The following FARS2 variants were observed in gnomAD, a reference collection of about 807,000 sequenced individuals.
FARS2 encodes phenylalanyl-tRNA synthetase 2, mitochondrial.
Under a neutral mutation model 46.4 loss-of-function variants are expected in FARS2, and 40 were observed. The ratio of observed to expected loss-of-function variants is 0.86; its 90% CI spans 0.67 to 1.12. The LOEUF (loss-of-function observed/expected upper bound fraction) is 1.12. Among genes scored for constraint, FARS2 ranks in the 50% most tolerant of loss-of-function variants. The pLI, the probability that FARS2 is intolerant of heterozygous loss-of-function variation, is 0.00. For missense variants in FARS2, 513 were observed against 567.9 expected, an observed-to-expected ratio of 0.90 and a Z score of 0.98; for synonymous variants, 234 against 214.9, an observed-to-expected ratio of 1.09 and a Z score of -0.78.
intron 6 of FARS2, among the ~76,000 whole-genome samples, chr6:5,742,460 A>G (rs150137456): frequency 2.2e-4 from 33 of 152,166 alleles, no homozygotes; most frequent in African/African-American, 7.7e-4. Context: ...GGCACTCAGT[A>G]TTTTTTTCCC....
At chr6:5,349,167 A>G (rs559957267) in intron 1 of FARS2, among the ~76,000 whole-genome samples, 15 of 152,368 alleles carry the variant, frequency 9.8e-5, no homozygotes, top group African/African-American at 3.6e-4. Context: ...ATGAAAATCC[A>G]TGAGATTTCT....
In FARS2 at chr6:5,596,235, T is replaced by C. The variant is rs548208843; in HGVS notation, c.1066-16934T>C. 7.4e-4 allele frequency among the ~76,000 whole-genome samples: 113 copies of C among 152,304 alleles called. 1 individual carries two copies. The highest frequency in any genetic ancestry group is 1.0e-3 in the Non-Finnish European group (71 of 68,036). ...TTGTTGGTGTGCTGTGATTGATGGCTGAACAGGAGATTTGGGAGTCACACG... is the reference window on the plus strand; with the variant it reads ...TTGTTGGTGTGCTGTGATTGATGGCCGAACAGGAGATTTGGGAGTCACACG... On this transcript the variant is annotated intron_variant, in intron 5 of 6. Coordinates refer to ENST00000274680, the MANE Select transcript of FARS2 (RefSeq NM_006567.5).
intron 3 of FARS2, among the ~76,000 whole-genome samples, chr6:5,407,282 T>C (rs1761670387): frequency 6.6e-6 from 1 of 151,962 alleles, no homozygotes; most frequent in Non-Finnish European, 1.5e-5. Context: ...TACTCACTGT[T>C]CTTGATTCAC....
chr6:5,401,688 G>GT (rs968815436), intron 2 of FARS2, among the ~76,000 whole-genome samples: 37 of 152,192 alleles, frequency 2.4e-4, no homozygotes, highest in African/African-American at 8.4e-4. Flanking sequence ...TGTGTTTCAC[G>GT]TTTTTTCTGT....
intron 5 of FARS2, among the ~76,000 whole-genome samples, chr6:5,546,467 G>T (rs934079398): frequency 1.3e-5 from 2 of 151,538 alleles, no homozygotes; most frequent in Non-Finnish European, 2.9e-5. Flanking sequence ...GGCCAGGCTG[G>T]TCTCAAACTC....
chr6:5,554,198 T>C (rs1397960302), intron 5 of FARS2, among the ~76,000 whole-genome samples: 1 of 152,240 alleles, frequency 6.6e-6, no homozygotes. Flanking sequence ...GCTATGTGAA[T>C]AACTCATTTA....
At chr6:5,551,539 GTT>G (rs969155956) in intron 5 of FARS2, among the ~76,000 whole-genome samples, 63 of 152,252 alleles carry the variant, frequency 4.1e-4, no homozygotes, top group African/African-American at 1.5e-3. Context: ...TTATGTATTT[GTT>G]ACAAGCAATA....
intron 1 of FARS2, among the ~76,000 whole-genome samples, chr6:5,332,798 A>T (rs1457689686): frequency 2.6e-5 from 4 of 152,202 alleles, no homozygotes; most frequent in Non-Finnish European, 4.4e-5. Flanking sequence ...TATGTGCAGG[A>T]CACATAGGGC....
intron 6 of FARS2, among the ~76,000 whole-genome samples, chr6:5,757,493 G>GC (rs1244375603): frequency 6.6e-6 from 1 of 152,056 alleles, no homozygotes; most frequent in Non-Finnish European, 1.5e-5. Flanking sequence ...CAACCCACTT[G>GC]CCCCAAGCAA....
intron 6 of FARS2, among the ~76,000 whole-genome samples, chr6:5,632,041 G>A (rs151023558): frequency 7.5e-4 from 114 of 152,224 alleles, no homozygotes; most frequent in African/African-American, 2.6e-3. Flanking sequence ...TAGATAAAAC[G>A]AGCCATAATT....
intron 4 of FARS2, among the ~76,000 whole-genome samples, chr6:5,520,397 C>T (rs1283640116): frequency 6.6e-6 from 1 of 152,154 alleles, no homozygotes; most frequent in Non-Finnish European, 1.5e-5. Flanking sequence ...CTTTCTTAGA[C>T]TTGCATAGTT....
chr6:5,484,470 G>T (rs933951496), intron 4 of FARS2, among the ~76,000 whole-genome samples: 2 of 152,172 alleles, frequency 1.3e-5, no homozygotes, highest in African/African-American at 2.4e-5. Context: ...CATGTGACTG[G>T]TGAACTTGAG....
intron 5 of FARS2, among the ~76,000 whole-genome samples, chr6:5,546,539 T>C (rs553569615): frequency 7.9e-4 from 120 of 152,020 alleles, no homozygotes; most frequent in South Asian, 1.5e-3. Context: ...AGTGAGCCAC[T>C]GCGCCCAGCC....
intron 6 of FARS2, among the ~76,000 whole-genome samples, chr6:5,672,784 TA>T (rs748319688): frequency 1.9e-4 from 29 of 152,296 alleles, no homozygotes; most frequent in Middle Eastern, 3.4e-3. Context: ...ATGATGAAGC[TA>T]AGTTTGGTTG....
At chr6:5,731,156 A>G (rs957929909) in intron 6 of FARS2, among the ~76,000 whole-genome samples, 3 of 152,166 alleles carry the variant, frequency 2.0e-5, no homozygotes, top group Non-Finnish European at 2.9e-5. Flanking sequence ...AGAAACCGGG[A>G]GTTGGGCTTT....
intron 6 of FARS2, among the ~76,000 whole-genome samples, chr6:5,703,082 T>C (rs867791546): frequency 5.3e-5 from 8 of 152,348 alleles, no homozygotes; most frequent in Middle Eastern, 3.4e-3. Flanking sequence ...GGTAAAACTT[T>C]TAATGGAAAC....
rs147264555 is a variant in FARS2 at position 5,759,608 on chromosome 6, G to A, written c.1218-11683G>A. On this transcript the variant is annotated intron_variant, in intron 6 of 6. Transcript: ENST00000274680. ...ATGTGCTGCTTCCAGGGTCCCTTTC[G>A]ACTCTGACCACCAGTGGTCCTGGCG... Among the ~76,000 whole-genome samples the A allele has an allele frequency of 3.4e-3, 518 of 152,238 alleles. 4 individuals are homozygous for A. The highest frequency in any genetic ancestry group is 0.012 in the African/African-American group (496 of 41,550).
chr6:5,743,945 C>T (rs957339721), intron 6 of FARS2, among the ~76,000 whole-genome samples: 2 of 152,266 alleles, frequency 1.3e-5, no homozygotes, highest in Non-Finnish European at 2.9e-5. Flanking sequence ...TTCTCCTCAA[C>T]GTCCTTCCTG....
At chr6:5,719,231 A>G (rs1759711568) in intron 6 of FARS2, among the ~76,000 whole-genome samples, 1 of 151,960 alleles carries the variant, frequency 6.6e-6, no homozygotes, top group African/African-American at 2.4e-5. Context: ...GGAAATTTAA[A>G]AATTAGCTGG....
Sources: gnomAD v4.1 joint callset for allele counts (sites outside exome capture counted in the v4.1 genomes callset) on GRCh38, gnomAD v4.1.1 for gene constraint, MANE v1.5 for transcripts, NCBI Gene and HGNC (gene_info 2026-07-23, HGNC 2026-07-21) for gene names.